The following PCDHGB5 variants were observed in gnomAD, a reference collection of about 807,000 sequenced individuals.
The protein encoded by PCDHGB5 is protocadherin gamma subfamily B, 5.
Under a neutral mutation model 62.9 loss-of-function variants are expected in PCDHGB5, and 48 were observed. The ratio of observed to expected loss-of-function variants is 0.76; its 90% CI spans 0.61 to 0.97. PCDHGB5 has a LOEUF of 0.97. Among genes scored for constraint, PCDHGB5 ranks in the 50% least tolerant of loss-of-function variants. PCDHGB5 has a pLI of 0.00. For missense variants in PCDHGB5, 1,118 were observed against 1,198.6 expected (o/e 0.93, Z 0.99); for synonymous variants, 474 against 511.2 (o/e 0.93, Z 0.98).
intron 1 of PCDHGB5, among the ~76,000 whole-genome samples, chr5:141,469,108 C>A (rs923728484): frequency 4.0e-5 from 6 of 151,768 alleles, no homozygotes; most frequent in Non-Finnish European, 5.9e-5. Context: ...AAGAACCTGT[C>A]TCTAAAAAAA....
intron 1 of PCDHGB5, among the ~76,000 whole-genome samples, chr5:141,472,712 G>A (rs1303609397): frequency 1.3e-5 from 2 of 151,972 alleles, no homozygotes; most frequent in Admixed American, 6.6e-5. Flanking sequence ...CAGGCCAGGC[G>A]CTGTGGCTCA....
intron 1 of PCDHGB5, among the ~76,000 whole-genome samples, chr5:141,482,526 C>T (rs1198022164): frequency 1.5e-5 from 1 of 68,582 alleles, no homozygotes; most frequent in African/African-American, 9.7e-5. Flanking sequence ...ATGAGACAGA[C>T]ATGCAAAAAA....
chr5:141,417,995 G>A (rs779307855), intron 1 of PCDHGB5: 74 of 1,613,786 alleles, frequency 4.6e-5, no homozygotes, highest in Admixed American at 1.7e-4. Flanking sequence ...CAAGGGCTCG[G>A]TGGTGGGGAA....
chr5:141,414,855 C>G, intron 1 of PCDHGB5: 1 of 1,614,238 alleles, frequency 6.2e-7, no homozygotes, highest in South Asian at 1.1e-5. Flanking sequence ...TGGACCAGAA[C>G]GACAATGCGC....
intron 2 of PCDHGB5, among the ~76,000 whole-genome samples, chr5:141,502,239 A>G (rs2099813426): frequency 6.6e-6 from 1 of 152,148 alleles, no homozygotes; most frequent in Admixed American, 6.5e-5. Flanking sequence ...GTGTTCTTTT[A>G]TCCTTTTTTT....
At position 141,489,437 on chromosome 5, in the gene PCDHGB5, T is replaced by C; in HGVS notation, c.2398-5370T>C. The C allele has an allele frequency of 6.2e-7, 1 of 1,614,110 alleles. No individual in the cohort carries two copies. Among genetic ancestry groups the C allele is most frequent in the Non-Finnish European group, 8.5e-7 (1 of 1,180,020 alleles). ...GATCTGTTGAGCCGGCGGCTGCAATTGGGCTCTGAGGAGAATGGGCGCTAT... is the reference window on the plus strand; with the variant it reads ...GATCTGTTGAGCCGGCGGCTGCAATCGGGCTCTGAGGAGAATGGGCGCTAT... On this transcript the variant is annotated intron_variant, in intron 1 of 3. Transcript: ENST00000617380. This position sits in a 1 kb window ranked among gnomAD's most constrained non-coding sequence, Gnocchi z 4.5.
At chr5:141,499,438 G>A (rs2154592492) in intron 2 of PCDHGB5, among the ~76,000 whole-genome samples, 1 of 152,158 alleles carries the variant, frequency 6.6e-6, no homozygotes, top group Admixed American at 6.5e-5. Context: ...AAAATTAAAA[G>A]GAAAACCACC....
intron 1 of PCDHGB5, among the ~76,000 whole-genome samples, chr5:141,465,396 C>A (rs2099102528): frequency 6.6e-6 from 1 of 152,054 alleles, no homozygotes; most frequent in Admixed American, 6.6e-5. Context: ...AAAAACAAGT[C>A]AGAAGAAGCC....
chr5:141,432,864 G>A lies in PCDHGB5; in HGVS notation c.2397+32340G>A. On this transcript the variant is annotated intron_variant, in intron 1 of 3. Coordinates refer to ENST00000617380, the MANE Select transcript of PCDHGB5 (RefSeq NM_018925.3). The surrounding 1 kb of genome is among the most constrained non-coding windows in gnomAD (Gnocchi z 6.0). ...GTGGTAGCGGTGGCCGCGGTCTCCT[G>A]CGTCTTCCTGGCCTTCGTCATCTTG... 6.2e-7 allele frequency: 1 copy of A among 1,614,168 alleles called. No individual in the cohort carries two copies. Among genetic ancestry groups the A allele is most frequent in the South Asian group, 1.1e-5 (1 of 91,084 alleles).
chr5:141,476,801 C>A lies in PCDHGB5; in HGVS notation c.2398-18006C>A, dbSNP rs752954707. The A allele has an allele frequency of 5.8e-5, 94 of 1,613,468 alleles. No homozygotes were observed. The highest frequency in any genetic ancestry group is 7.9e-5 in the Non-Finnish European group (93 of 1,180,028). The stretch of plus-strand genomic sequence containing the variant: ...GACCCCAGCTCTCTCCGCCAGCCTG[C>A]CTATTCACATCAAGGTGCTGGACGC... On this transcript the variant is annotated intron_variant, in intron 1 of 3. Transcript: ENST00000617380. This position sits in a 1 kb window ranked among gnomAD's most constrained non-coding sequence, Gnocchi z 7.6.
At chr5:141,418,147 C>A (rs781655205) in intron 1 of PCDHGB5, 3 of 1,614,040 alleles carry the variant, frequency 1.9e-6, no homozygotes, top group Non-Finnish European at 2.5e-6. Flanking sequence ...AGCAAATATG[C>A]AAAGAGAGAA....
At chr5:141,474,893 T>C (rs1406276730) in intron 1 of PCDHGB5, among the ~76,000 whole-genome samples, 1 of 152,256 alleles carries the variant, frequency 6.6e-6, no homozygotes, top group East Asian at 1.9e-4. Flanking sequence ...TAGAGGTTCA[T>C]TTCTTGTTCA....
chr5:141,448,449 T>A (rs528049717), intron 1 of PCDHGB5, among the ~76,000 whole-genome samples: 1 of 152,166 alleles, frequency 6.6e-6, no homozygotes, highest in Non-Finnish European at 1.5e-5. Context: ...CTGACTTCCA[T>A]CCCTATCCTA....
rs770685748 is a variant in PCDHGB5 at position 141,486,601 on chromosome 5, C to T, written c.2398-8206C>T. 9 of 1,613,558 alleles carry T rather than the reference C, an allele frequency of 5.6e-6. No homozygotes were observed. The highest frequency in any genetic ancestry group is 7.6e-6 in the Non-Finnish European group (9 of 1,180,024). On this transcript the variant is annotated intron_variant, in intron 1 of 3. Transcript: ENST00000617380. This position sits in a 1 kb window ranked among gnomAD's most constrained non-coding sequence, Gnocchi z 5.0. ...ATCGCCCAGGGGACCTGCTTTGCTC[C>T]CTTGCAGCCTCTGACCCAGACTCTG...
intron 1 of PCDHGB5, chr5:141,478,813 A>G (rs2099478658): frequency 4.8e-6 from 7 of 1,453,346 alleles, no homozygotes; most frequent in Non-Finnish European, 6.3e-6. Context: ...TGCTATCACA[A>G]CTAACCAATC....
Position 141,415,510 on chromosome 5 carries a change from T to C in PCDHGB5, c.2397+14986T>C, listed in dbSNP as rs780820182. On this transcript the variant is annotated intron_variant, in intron 1 of 3. Coordinates refer to ENST00000617380, the MANE Select transcript of PCDHGB5 (RefSeq NM_018925.3). ...TCACCTGATCTTCCCCCAGCCCAAT[T>C]ATGCGGACACGCTCATCAGCCAGGA... The C allele has an allele frequency of 2.5e-6, 4 of 1,614,088 alleles. No homozygotes were observed. The African/African-American group carries it at 5.3e-5, about 22-fold the overall frequency.
At position 141,431,639 on chromosome 5, in the gene PCDHGB5, C is replaced by T; in HGVS notation, c.2397+31115C>T. 1 of 1,614,262 alleles carries T rather than the reference C, an allele frequency of 6.2e-7. No homozygotes were observed. The highest frequency in any genetic ancestry group is 8.5e-7 in the Non-Finnish European group (1 of 1,180,046). On this transcript the variant is annotated intron_variant, in intron 1 of 3. Transcript: ENST00000617380. This position sits in a 1 kb window ranked among gnomAD's most constrained non-coding sequence, Gnocchi z 4.8. Reference sequence around the variant, plus strand: ...CGACAAGGCGGCCCAAGTTTTCAAACTAGATTGTAATTCAGGGACAATATC... The same window carrying T: ...CGACAAGGCGGCCCAAGTTTTCAAATTAGATTGTAATTCAGGGACAATATC...
intron 1 of PCDHGB5, among the ~76,000 whole-genome samples, chr5:141,438,591 C>CATACAT (rs1228520343): frequency 1.3e-5 from 1 of 75,562 alleles, no homozygotes; most frequent in Non-Finnish European, 2.7e-5. Flanking sequence ...TACATACATA[C>CATACAT]ATATATATAT....
In PCDHGB5 at chr5:141,511,125, A is replaced by T. The variant is rs755685600; in HGVS notation, c.2724A>T (p.Ala908=). Residue 908 remains alanine, a synonymous_variant, in exon 4 of 4, where the codon GCA becomes GCT. Transcript: ENST00000617380. ...GCAAGCGGGATGGCAAGGCCCCAGCAGGTGGCAATGGCAACAAGAAGAAGT... is the reference window on the plus strand; with the variant it reads ...GCAAGCGGGATGGCAAGGCCCCAGCTGGTGGCAATGGCAACAAGAAGAAGT... ...AAGKRDGKAP[A]GGNGNKKKSG... 2 of 1,614,216 alleles carry T rather than the reference A, an allele frequency of 1.2e-6. No individual in the cohort carries two copies. The highest frequency in any genetic ancestry group is 2.2e-5 in the South Asian group (2 of 91,092).
Sources: gnomAD v4.1 joint callset for allele counts (sites outside exome capture counted in the v4.1 genomes callset) on GRCh38, gnomAD v4.1.1 for gene constraint, Gnocchi (gnomAD v3.1) non-coding constraint, MANE v1.5 for transcripts, NCBI Gene and HGNC (gene_info 2026-07-23, HGNC 2026-07-21) for gene names.